XKR9: variants seen among roughly 807,000 people sequenced by gnomAD.
The protein encoded by XKR9 is XK related 9.
Under a neutral mutation model 32.0 loss-of-function variants are expected in XKR9, and 32 were observed. The observed-to-expected ratio is 1.00, with a 90% CI of 0.76 to 1.34. XKR9 has a LOEUF of 1.34. Among genes scored for constraint, XKR9 ranks in the 40% most tolerant of loss-of-function variants. The pLI, the probability that XKR9 is intolerant of heterozygous loss-of-function variation, is 0.00. For synonymous variants in XKR9, 168 were observed against 143.4 expected, an observed-to-expected ratio of 1.17 and a Z score of -1.22; for missense variants, 546 against 429.7, an observed-to-expected ratio of 1.27 and a Z score of -2.39.
chr8:70,670,378 A>G (rs575973895), intron 1 of XKR9, among the ~76,000 whole-genome samples: 23 of 152,288 alleles, frequency 1.5e-4, no homozygotes, highest in African/African-American at 5.5e-4. Context: ...AGCTTCCCAT[A>G]AAAAAAGTTG....
the XKR9 span, among the ~76,000 whole-genome samples, chr8:70,968,932 G>A: frequency 6.6e-6 from 1 of 152,168 alleles, no homozygotes; most frequent in East Asian, 1.9e-4. Flanking sequence ...TGGGATCGGG[G>A]ACCCACTTAA....
chr8:70,892,810 C>T, the XKR9 span, among the ~76,000 whole-genome samples: 1 of 152,064 alleles, frequency 6.6e-6, no homozygotes, highest in African/African-American at 2.4e-5. Flanking sequence ...TAATGTAATT[C>T]AAGGAGGTCC....
the XKR9 span, among the ~76,000 whole-genome samples, chr8:70,922,525 C>T: frequency 6.6e-6 from 1 of 152,206 alleles, no homozygotes; most frequent in South Asian, 2.1e-4. Flanking sequence ...AAACATCCAT[C>T]CATTTAAAGT....
chr8:71,051,594 T>C, the XKR9 span, among the ~76,000 whole-genome samples: 1 of 152,060 alleles, frequency 6.6e-6, no homozygotes, highest in Non-Finnish European at 1.5e-5. Context: ...TTGGCCCATA[T>C]GGTTTATTGT....
the XKR9 span, among the ~76,000 whole-genome samples, chr8:70,832,751 A>G: frequency 2.0e-5 from 3 of 152,224 alleles, no homozygotes; most frequent in African/African-American, 4.8e-5. Context: ...AATGGTTAAT[A>G]ACTTGCTCAA....
the XKR9 span, among the ~76,000 whole-genome samples, chr8:71,029,643 A>G: frequency 6.6e-6 from 1 of 152,174 alleles, no homozygotes; most frequent in African/African-American, 2.4e-5. Context: ...ATTTTCTAAA[A>G]TATGTAAATG....
Position 70,681,251 on chromosome 8 carries a change from G to A in XKR9, c.193G>A (p.Ala65Thr), listed in dbSNP as rs767127302. The change falls in exon 3 of 5, where the codon GCT becomes ACT. Residue 65 changes from alanine (A) to threonine (T), a missense_variant. By Grantham distance (58) the Ala-to-Thr change is moderately conservative. Coordinates refer to ENST00000408926, the MANE Select transcript of XKR9 (RefSeq NM_001011720.2). ...AQCFSYSWFKADLKKAGQESQ... is the reference protein window; with the variant it reads ...AQCFSYSWFKTDLKKAGQESQ... ...GTGTTTTAGTTATTCTTGGTTCAAG[G>A]CTGATTTAAAGAAAGCAGGCCAAGA... 1.2e-6 allele frequency: 2 copies of A among 1,613,290 alleles called. No homozygotes were observed. The highest frequency in any genetic ancestry group is 1.7e-5 in the Admixed American group (1 of 59,966).
intron 1 of XKR9, among the ~76,000 whole-genome samples, chr8:70,672,458 C>T (rs892513763): frequency 1.3e-5 from 2 of 152,152 alleles, no homozygotes; most frequent in African/African-American, 4.8e-5. Flanking sequence ...GTGTATATAT[C>T]ACATTTTCTT....
intron 2 of XKR9, among the ~76,000 whole-genome samples, chr8:70,741,155 A>G (rs1159247252): frequency 6.6e-6 from 1 of 152,206 alleles, no homozygotes; most frequent in East Asian, 1.9e-4. Context: ...TTGTTTACCT[A>G]AGCAAGCCTG....
At chr8:70,780,223 T>C (rs1344150419) in intron 2 of XKR9, among the ~76,000 whole-genome samples, 5 of 151,968 alleles carry the variant, frequency 3.3e-5, no homozygotes, top group African/African-American at 7.2e-5. Context: ...TTTTCTCTTT[T>C]CTCTTCCATT....
chr8:71,020,488 T>C, the XKR9 span, among the ~76,000 whole-genome samples: 6 of 152,356 alleles, frequency 3.9e-5, no homozygotes, highest in East Asian at 1.2e-3. Context: ...TTCCGTAGTA[T>C]CACCTCTGTC....
At chr8:70,990,229 A>G in the XKR9 span, among the ~76,000 whole-genome samples, 1 of 152,220 alleles carries the variant, frequency 6.6e-6, no homozygotes, top group Non-Finnish European at 1.5e-5. Context: ...TCAATTGCTA[A>G]TATCCATGCT....
chr8:70,880,539 A>G, the XKR9 span, among the ~76,000 whole-genome samples: 1 of 152,198 alleles, frequency 6.6e-6, no homozygotes, highest in Non-Finnish European at 1.5e-5. Flanking sequence ...CAAAGAGAAT[A>G]AAATACCTAG....
the XKR9 span, among the ~76,000 whole-genome samples, chr8:71,038,589 A>T: frequency 6.6e-6 from 1 of 151,520 alleles, no homozygotes; most frequent in East Asian, 1.9e-4. Context: ...AAGTGCTGGG[A>T]TTACAGGCGT....
chr8:70,941,236 G>T, the XKR9 span, among the ~76,000 whole-genome samples: 1 of 151,720 alleles, frequency 6.6e-6, no homozygotes, highest in Admixed American at 6.6e-5. Flanking sequence ...GTAACCTTTT[G>T]TGTCTGGGTT....
chr8:70,683,741 G>T (rs1819164286), intron 3 of XKR9: 1 of 298,894 alleles, frequency 3.3e-6, no homozygotes, highest in Admixed American at 4.9e-5. Flanking sequence ...ACCCACCTTG[G>T]CCTCCCAAAG....
chr8:70,790,569 G>T (rs1345828969), downstream of XKR9, among the ~76,000 whole-genome samples: 5 of 152,034 alleles, frequency 3.3e-5, no homozygotes, highest in Admixed American at 2.6e-4. Flanking sequence ...ATGCAGCAGG[G>T]TTCCAATGTC....
chr8:70,839,337 C>T, the XKR9 span, among the ~76,000 whole-genome samples: 30 of 152,216 alleles, frequency 2.0e-4, no homozygotes, highest in Admixed American at 3.3e-4. Context: ...GAATCTGCAC[C>T]GTTGTCCCTG....
At position 70,754,175 on chromosome 8, in the gene XKR9, A is replaced by G. The variant is rs567384605; in HGVS notation, n.353-35164A>G. ...AAACTCCCATTCACAATTGCTACAA[A>G]GAGAATAAAATACTTAGGAATCAAC... On this transcript the variant is annotated intron_variant and non_coding_transcript_variant, in intron 2 of 3. Transcript: ENST00000520273. 1.1e-3 allele frequency among the ~76,000 whole-genome samples: 163 copies of G among 148,350 alleles called. 16 individuals are homozygous for G. Among genetic ancestry groups the G allele is most frequent in the Non-Finnish European group, 1.6e-3 (105 of 67,394 alleles).
Sources: gnomAD v4.1 joint callset for allele counts (sites outside exome capture counted in the v4.1 genomes callset) on GRCh38, gnomAD v4.1.1 for gene constraint, MANE v1.5 for transcripts, NCBI Gene and HGNC (gene_info 2026-07-23, HGNC 2026-07-21) for gene names.